Variants in FTCDNL1 observed in about 807,000 individuals in gnomAD.
FTCDNL1 encodes formiminotransferase N-terminal subdomain-containing protein.
In FTCDNL1, 11 loss-of-function variants were observed where a neutral mutation model predicts 5.9. The observed-to-expected ratio is 1.87, with a 90% CI of 1.18 to 3.10. The LOEUF (loss-of-function observed/expected upper bound fraction) is 3.10. Ranked by LOEUF, FTCDNL1 falls within the 30% of genes most tolerant of loss-of-function variation. The pLI, the probability that FTCDNL1 is intolerant of heterozygous loss-of-function variation, is 0.00. For missense variants in FTCDNL1, 115 were observed against 65.5 expected (o/e 1.76, Z -2.61); for synonymous variants, 58 against 24.8 (o/e 2.34, Z -3.99).
intron 3 of FTCDNL1, among the ~76,000 whole-genome samples, chr2:199,839,532 A>G (rs1240526203): frequency 2.0e-5 from 3 of 152,230 alleles, no homozygotes; most frequent in Non-Finnish European, 4.4e-5. Context: ...CATCAATGGA[A>G]TAATTCAAAA....
the FTCDNL1 span, among the ~76,000 whole-genome samples, chr2:199,739,197 A>C: frequency 6.6e-6 from 1 of 152,134 alleles, no homozygotes; most frequent in South Asian, 2.1e-4. Flanking sequence ...GGCTATTTTA[A>C]TCACCCGACT....
At chr2:199,720,980 T>C in the FTCDNL1 span, among the ~76,000 whole-genome samples, 1 of 152,238 alleles carries the variant, frequency 6.6e-6, no homozygotes, top group African/African-American at 2.4e-5. Context: ...CCTGATTCTA[T>C]GCCTAGGAAA....
the FTCDNL1 span, among the ~76,000 whole-genome samples, chr2:199,672,881 G>T: frequency 2.0e-5 from 3 of 151,990 alleles, no homozygotes; most frequent in Admixed American, 6.6e-5. Flanking sequence ...ACCCTCTTCT[G>T]TTTGGTAGAA....
chr2:199,791,727 GT>G (rs1699935527), intron 3 of FTCDNL1, among the ~76,000 whole-genome samples: 1 of 151,958 alleles, frequency 6.6e-6, no homozygotes, highest in Non-Finnish European at 1.5e-5. Flanking sequence ...ATCTATTTTT[GT>G]TTACTTTGAT....
chr2:199,668,074 G>A, the FTCDNL1 span, among the ~76,000 whole-genome samples: 19 of 152,268 alleles, frequency 1.2e-4, no homozygotes, highest in Admixed American at 3.3e-4. Context: ...ACTCCCCTTA[G>A]AACTCTTGGG....
the FTCDNL1 span, among the ~76,000 whole-genome samples, chr2:199,723,305 G>C: frequency 0.023 from 3,569 of 152,174 alleles, 146 homozygotes; most frequent in African/African-American, 0.08. Flanking sequence ...GGGTTTTCTA[G>C]TTATAGGATC....
chr2:199,847,413 A>G (rs2076761040), intron 2 of FTCDNL1, among the ~76,000 whole-genome samples: 2 of 152,244 alleles, frequency 1.3e-5, no homozygotes, highest in Non-Finnish European at 2.9e-5. Flanking sequence ...AACTCCTGGA[A>G]GAAACGAGAT....
intron 3 of FTCDNL1, among the ~76,000 whole-genome samples, chr2:199,789,361 T>C (rs1699812481): frequency 6.6e-6 from 1 of 152,238 alleles, no homozygotes; most frequent in Admixed American, 6.5e-5. Flanking sequence ...CATCAATACA[T>C]TAAGGGAGAA....
intron 3 of FTCDNL1, among the ~76,000 whole-genome samples, chr2:199,764,186 C>T (rs1258260569): frequency 6.6e-6 from 1 of 152,160 alleles, no homozygotes; most frequent in Non-Finnish European, 1.5e-5. Flanking sequence ...GTACTGTGCA[C>T]TAGACAATCT....
At chr2:199,712,160 A>T in the FTCDNL1 span, among the ~76,000 whole-genome samples, 5 of 152,190 alleles carry the variant, frequency 3.3e-5, no homozygotes, top group African/African-American at 4.8e-5. Context: ...AAAAATCATC[A>T]TCATGGAATA....
At chr2:199,812,940 T>C (rs10194076) in intron 4 of FTCDNL1, among the ~76,000 whole-genome samples, 97,090 of 152,128 alleles carry the variant, frequency 0.64, 31,227 homozygotes, top group South Asian at 0.77. Flanking sequence ...GTGGAAACAC[T>C]GTATTTATCA....
chr2:199,733,572 G>A, the FTCDNL1 span, among the ~76,000 whole-genome samples: 1 of 152,170 alleles, frequency 6.6e-6, no homozygotes, highest in Non-Finnish European at 1.5e-5. Context: ...CTGTATCTAG[G>A]AAAGCAGGAA....
intron 3 of FTCDNL1, among the ~76,000 whole-genome samples, chr2:199,786,777 T>G (rs1241287944): frequency 6.6e-6 from 1 of 152,230 alleles, no homozygotes. Context: ...AAATTTTCTA[T>G]GGCAACTTGC....
intron 4 of FTCDNL1, among the ~76,000 whole-genome samples, chr2:199,817,304 T>C (rs1047975504): frequency 2.0e-5 from 3 of 152,256 alleles, no homozygotes; most frequent in Admixed American, 1.3e-4. Flanking sequence ...TTTATACCAA[T>C]TTATACTATC....
chr2:199,726,039 G>T, the FTCDNL1 span, among the ~76,000 whole-genome samples: 2 of 151,350 alleles, frequency 1.3e-5, no homozygotes, highest in African/African-American at 4.9e-5. Flanking sequence ...TCATAGGTTA[G>T]GTCTTTTTAT....
intron 3 of FTCDNL1, among the ~76,000 whole-genome samples, chr2:199,833,160 TG>T (rs1328983891): frequency 6.6e-6 from 1 of 152,076 alleles, no homozygotes. Context: ...CTTGTAAAGA[TG>T]AAGTCTCACA....
intron 3 of FTCDNL1, among the ~76,000 whole-genome samples, chr2:199,786,020 A>T (rs527441590): frequency 2.0e-5 from 3 of 152,134 alleles, no homozygotes; most frequent in Non-Finnish European, 4.4e-5. Context: ...TCCTATTAGA[A>T]TCTAATGCTG....
the FTCDNL1 span, among the ~76,000 whole-genome samples, chr2:199,677,706 A>AT: frequency 6.6e-6 from 1 of 152,246 alleles, no homozygotes; most frequent in Admixed American, 6.5e-5. Context: ...GGAAGGTCAT[A>AT]TAACCAAGGT....
At chr2:199,785,598 A>C (rs557273853) in intron 3 of FTCDNL1, 6 of 152,176 alleles carry the variant, frequency 3.9e-5, no homozygotes, top group African/African-American at 7.2e-5. Context: ...TTATTTCAAA[A>C]TACATTTTTA....
Sources: gnomAD v4.1 joint callset for allele counts (sites outside exome capture counted in the v4.1 genomes callset) on GRCh38, gnomAD v4.1.1 for gene constraint, MANE v1.5 for transcripts, NCBI Gene and HGNC (gene_info 2026-07-23, HGNC 2026-07-21) for gene names.